Variants in ABCG5 observed in about 807,000 individuals in gnomAD.
The protein encoded by ABCG5 is ATP-binding cassette sub-family G member 5.
In ABCG5, 64 loss-of-function variants were observed where a neutral mutation model predicts 64.5. That is an observed-to-expected ratio of 0.99 (90% CI 0.81 to 1.22). The LOEUF is 1.22. ABCG5 is among the 50% of genes most tolerant of loss of function. The pLI is 0.00. For missense variants in ABCG5, 908 were observed against 829.5 expected, an observed-to-expected ratio of 1.09 and a Z score of -1.16; for synonymous variants, 385 against 326.3, an observed-to-expected ratio of 1.18 and a Z score of -1.94.
At chr2:43,818,423 G>A (rs545665345) in intron 11 of ABCG5, among the ~76,000 whole-genome samples, 3 of 152,268 alleles carry the variant, frequency 2.0e-5, no homozygotes, top group South Asian at 2.1e-4. Flanking sequence ...CAGCCTGGGC[G>A]GCAGAGTGAA....
chr2:43,810,936 T>G (rs1233398852), downstream of ABCG5, among the ~76,000 whole-genome samples: 2 of 152,214 alleles, frequency 1.3e-5, no homozygotes, highest in Non-Finnish European at 2.9e-5. Context: ...TCACTGTCCA[T>G]TTTTGACTTG....
chr2:43,838,928 G>A, upstream of ABCG5: 2 of 1,217,404 alleles, frequency 1.6e-6, no homozygotes, highest in Non-Finnish European at 2.3e-6. This position sits in a 1 kb window ranked among gnomAD's most constrained non-coding sequence, Gnocchi z 4.2. Context: ...AATGCTGGGA[G>A]AGACGGGCCC....
intron 10 of ABCG5, among the ~76,000 whole-genome samples, chr2:43,821,358 G>T (rs547976328): frequency 2.3e-4 from 35 of 152,256 alleles, no homozygotes; most frequent in African/African-American, 7.9e-4. Flanking sequence ...CACATCAGTG[G>T]TTCCTAATTA....
At chr2:43,837,794 C>T (rs762776266) in intron 2 of ABCG5, 40 bp downstream of exon 2, 1 of 1,612,468 alleles carries the variant, frequency 6.2e-7, no homozygotes, top group African/African-American at 1.3e-5. Context: ...GAGTTTAACT[C>T]AAGCCAAATC....
rs1377389983 is a variant in ABCG5, at chr2:43,835,650, G to C, written c.265+2184C>G. 2.6e-5 allele frequency among the ~76,000 whole-genome samples: 4 copies of C among 152,138 alleles called. No homozygotes were observed. The East Asian group carries it at 7.7e-4, about 29-fold the overall frequency. On this transcript the variant is annotated intron_variant, in intron 2 of 12. Coordinates refer to ENST00000405322, the MANE Select transcript of ABCG5 (RefSeq NM_022436.3). ...ACCCAAGATTATGATATTACGAGGT[G>C]GGGCATGCAAGGAGGTGATATTGGG...
At chr2:43,807,356 A>G in the ABCG5 span, among the ~76,000 whole-genome samples, 3 of 152,062 alleles carry the variant, frequency 2.0e-5, no homozygotes, top group Non-Finnish European at 4.4e-5. Context: ...CTGTTTTTTA[A>G]AAGTCCTCTA....
chr2:43,809,098 C>G (rs1666384803), downstream of ABCG5, among the ~76,000 whole-genome samples: 1 of 152,068 alleles, frequency 6.6e-6, no homozygotes, highest in South Asian at 2.1e-4. Flanking sequence ...AAGCGATCCT[C>G]CCACCTCAGA....
intron 10 of ABCG5, among the ~76,000 whole-genome samples, chr2:43,821,533 G>A (rs927775880): frequency 6.6e-6 from 1 of 152,082 alleles, no homozygotes; most frequent in Non-Finnish European, 1.5e-5. Context: ...CCTCACTGCC[G>A]CAGATGCTGG....
chr2:43,820,267 A>T (rs1294700476), intron 10 of ABCG5, among the ~76,000 whole-genome samples, 167 bp from the exon 11 acceptor site: 1 of 152,180 alleles, frequency 6.6e-6, no homozygotes. Flanking sequence ...TCAACATGAG[A>T]CTATTTATTA....
chr2:43,826,476 G>C lies in ABCG5; in HGVS notation c.680C>G (p.Thr227Ser), dbSNP rs895337448. ...CAGGAGGACGACAATCTGATTAGCA[G>C]TCATGCAGTCCAGGCCTGTGGTTGG... ...DEPTTGLDCMTANQIVVLLVE... is the reference protein window; with the variant it reads ...DEPTTGLDCMSANQIVVLLVE... The change falls in exon 6 of 13, where the codon ACT (threonine) becomes AGT (serine). Residue 227 changes from threonine (T) to serine (S), a missense_variant. Physicochemically the swap from Thr to Ser is moderately conservative, Grantham distance 58. Transcript: ENST00000405322. 3.1e-6 allele frequency: 5 copies of C among 1,614,094 alleles called. No individual in the cohort carries two copies. The African/African-American group carries it at 6.7e-5, about 22-fold the overall frequency.
At chr2:43,819,628 A>C (rs1433174727) in intron 11 of ABCG5, among the ~76,000 whole-genome samples, 3 of 152,168 alleles carry the variant, frequency 2.0e-5, no homozygotes, top group Non-Finnish European at 4.4e-5. Flanking sequence ...TTTTCCTGGA[A>C]CATCCGGGCT....
chr2:43,831,722 T>A, intron 4 of ABCG5, 47 bp downstream of exon 4: 2 of 1,514,626 alleles, frequency 1.3e-6, no homozygotes, highest in African/African-American at 1.4e-5. Flanking sequence ...CAGCGGGGGG[T>A]GCAAAGGTAC....
Position 43,824,953 on chromosome 2 carries a change from C to A in ABCG5, c.840G>T (p.Met280Ile). The A allele has an allele frequency of 6.2e-7, 1 of 1,614,040 alleles. No individual in the cohort carries two copies. Among genetic ancestry groups the A allele is most frequent in the Non-Finnish European group, 8.5e-7 (1 of 1,179,954 alleles). ...AACCGCAGTCATTGAAGAAATCAAG[C>A]ATTTCCGCTGGCGTGCCACAGAAAA... ...ELIFCGTPAE[M>I]LDFFNDCGYP... Residue 280 changes from methionine (M) to isoleucine (I), a missense_variant, in exon 7 of 13, where the codon ATG becomes ATT. Physicochemically the swap from Met to Ile is conservative, Grantham distance 10. Transcript: ENST00000405322.
rs1232184123 is a variant in ABCG5 at position 43,838,478 on chromosome 2, G to A, written c.143+59C>T. The A allele has an allele frequency of 6.7e-7, 1 of 1,498,090 alleles. No individual in the cohort carries two copies. The highest frequency in any genetic ancestry group is 1.4e-5 in the African/African-American group (1 of 72,170). The allele number at this position is 1,498,090 out of a possible 1,614,324, so 92.8% of individuals were successfully genotyped here. On this transcript the variant is annotated intron_variant, in intron 1 of 12. Transcript: ENST00000405322. This position sits in a 1 kb window ranked among gnomAD's most constrained non-coding sequence, Gnocchi z 4.2. ...TAAAGAGTGAAGAAAGGCAGCAGAG[G>A]GGTGAGCGCCGGGCCCCGCACTCCT...
Position 43,838,513 on chromosome 2 carries a change from G to T in ABCG5, c.143+24C>A. 1 of 1,584,038 alleles carries T rather than the reference G, an allele frequency of 6.3e-7. No individual in the cohort carries two copies. Among genetic ancestry groups the T allele is most frequent in the East Asian group, 2.3e-5 (1 of 43,400 alleles). ...CGGGCCCCGCACTCCTGGGGGAGCA[G>T]CAGCAGCAAGGGCTCTGCCTTACCT... On this transcript the variant is annotated intron_variant, in intron 1 of 12. Transcript: ENST00000405322. The surrounding 1 kb of genome is among the most constrained non-coding windows in gnomAD (Gnocchi z 4.2).
At position 43,814,599 on chromosome 2, in the gene ABCG5, AAG is replaced by A. The variant is rs1314665571; in HGVS notation, c.1650-12_1650-11del. 1.3e-6 allele frequency: 2 copies of A among 1,522,264 alleles called. No homozygotes were observed. The highest frequency in any genetic ancestry group is 2.7e-5 in the African/African-American group (2 of 72,904). The allele number at this position is 1,522,264 out of a possible 1,614,324, so 94.3% of individuals were successfully genotyped here. On this transcript the variant is annotated splice_polypyrimidine_tract_variant and intron_variant, in intron 11 of 12. Coordinates refer to ENST00000405322, the MANE Select transcript of ABCG5 (RefSeq NM_022436.3). ...CATTTCTTGTATGTTTCTTAAGAAA[AAG>A]AAAACAAAAATGAAATTCAGTAGGC...
downstream of ABCG5, chr2:43,809,877 G>C: frequency 7.0e-7 from 1 of 1,437,694 alleles, no homozygotes; most frequent in Non-Finnish European, 9.1e-7. Flanking sequence ...TGTATAATTT[G>C]TTAAAGGACA....
intron 5 of ABCG5, among the ~76,000 whole-genome samples, chr2:43,826,907 A>T (rs1667643121): frequency 6.6e-6 from 1 of 152,244 alleles, no homozygotes; most frequent in South Asian, 2.1e-4. Flanking sequence ...TGTCTGTAAC[A>T]CTTTCCAACA....
downstream of ABCG5, among the ~76,000 whole-genome samples, chr2:43,812,013 A>G (rs1004325746): frequency 2.0e-5 from 3 of 152,054 alleles, no homozygotes; most frequent in Non-Finnish European, 4.4e-5. Flanking sequence ...TCTAGTATGT[A>G]CCCTGTTCTT....
Sources: gnomAD v4.1 joint callset for allele counts (sites outside exome capture counted in the v4.1 genomes callset) on GRCh38, gnomAD v4.1.1 for gene constraint, Gnocchi (gnomAD v3.1) non-coding constraint, MANE v1.5 for transcripts, NCBI Gene and HGNC (gene_info 2026-07-23, HGNC 2026-07-21) for gene names.